The following UBAP2 variants were observed in gnomAD, a reference collection of about 807,000 sequenced individuals.
UBAP2 encodes the protein ubiquitin-associated protein 2.
In UBAP2, 75 loss-of-function variants were observed where a neutral mutation model predicts 139.6. The observed-to-expected ratio is 0.54, with a 90% CI of 0.45 to 0.65. UBAP2 has a LOEUF of 0.65. UBAP2 is among the 30% of genes least tolerant of loss of function. The pLI is 0.00. For synonymous variants in UBAP2, 526 were observed against 526.2 expected, an observed-to-expected ratio of 1.00 and a Z score of 0.01; for missense variants, 1,368 against 1,369.6, an observed-to-expected ratio of 1.00 and a Z score of 0.02.
chr9:33,970,268 A>T lies in UBAP2; in HGVS notation c.679+1383T>A, dbSNP rs1048047561. ...TTATTCACGTTCTCACCTTCCCTTG[A>T]TGATCTCATAAGAAGCTTAACGATT... On this transcript the variant is annotated intron_variant, in intron 8 of 28. Coordinates refer to ENST00000379238, the MANE Select transcript of UBAP2 (RefSeq NM_001370062.2). 2.0e-5 allele frequency among the ~76,000 whole-genome samples: 3 copies of T among 151,928 alleles called. No individual in the cohort carries two copies. The South Asian group carries it at 6.2e-4, about 32-fold the overall frequency.
chr9:34,035,412 G>C (rs964470004), intron 1 of UBAP2, among the ~76,000 whole-genome samples: 6 of 148,950 alleles, frequency 4.0e-5, no homozygotes, highest in Admixed American at 1.4e-4. Flanking sequence ...TGAGGTGGGA[G>C]AACAGCTTGA....
chr9:33,982,876 T>C (rs946291515), intron 6 of UBAP2, among the ~76,000 whole-genome samples: 1 of 150,634 alleles, frequency 6.6e-6, no homozygotes, highest in Admixed American at 6.7e-5. Context: ...TGGTGTTTTT[T>C]TTTGTTTTTT....
chr9:34,011,563 TAAAC>T, intron 2 of UBAP2: 1 of 903,786 alleles, frequency 1.1e-6, no homozygotes, highest in Non-Finnish European at 1.3e-6. Context: ...TTTTCTTTGA[TAAAC>T]AATTCAATAA....
At chr9:33,999,722 C>G (rs866848030) in intron 2 of UBAP2, among the ~76,000 whole-genome samples, 55 of 151,808 alleles carry the variant, frequency 3.6e-4, no homozygotes, top group Admixed American at 1.3e-4. Flanking sequence ...ACGATTTTTT[C>G]TTTTTTTGAG....
At chr9:33,935,167 G>GT (rs892090448) in intron 17 of UBAP2, among the ~76,000 whole-genome samples, 2 of 143,120 alleles carry the variant, frequency 1.4e-5, no homozygotes, top group Non-Finnish European at 3.1e-5. Context: ...AAGTGGCGGG[G>GT]GGGGGGGGTC....
intron 9 of UBAP2, among the ~76,000 whole-genome samples, chr9:33,962,679 A>G (rs1564032690): frequency 6.8e-6 from 1 of 147,440 alleles, no homozygotes; most frequent in Non-Finnish European, 1.5e-5. Context: ...TAAATAAATA[A>G]ATAATTAAAA....
Position 33,941,786 on chromosome 9 carries a change from A to G in UBAP2, c.1792T>C (p.Cys598Arg), listed in dbSNP as rs1365534458. 12 of 1,614,038 alleles carry G rather than the reference A, an allele frequency of 7.4e-6. No homozygotes were observed. In the Middle Eastern group the frequency reaches 4.9e-4, roughly 66 times the overall value. ...STYTTSVITS[C>R]SLTSSSLNSA... ...TTCAGTGATGAGCTTGTCAGACTGCAGGAGGTAATGACGGAAGTTGTATAT... is the reference window on the plus strand; with the variant it reads ...TTCAGTGATGAGCTTGTCAGACTGCGGGAGGTAATGACGGAAGTTGTATAT... Residue 598 changes from cysteine (C) to arginine (R), a missense_variant, in exon 16 of 29, where the codon TGC (cysteine) becomes CGC (arginine). Cys to Arg is a radical substitution (Grantham distance 180). Transcript: ENST00000379238.
intron 1 of UBAP2, among the ~76,000 whole-genome samples, chr9:34,035,595 G>C (rs535189173): frequency 4.8e-5 from 7 of 144,976 alleles, no homozygotes; most frequent in African/African-American, 1.8e-4. Flanking sequence ...TGAGGCACAA[G>C]AATCACTTGA....
intron 6 of UBAP2, among the ~76,000 whole-genome samples, chr9:33,982,345 A>G (rs1377097074): frequency 6.6e-6 from 1 of 152,226 alleles, no homozygotes; most frequent in Non-Finnish European, 1.5e-5. Flanking sequence ...CTCCAGCTTG[A>G]ATGCAAACTC....
At chr9:34,014,688 G>C (rs1824090415) in intron 2 of UBAP2, among the ~76,000 whole-genome samples, 1 of 151,462 alleles carries the variant, frequency 6.6e-6, no homozygotes. Context: ...CCAGCTACTT[G>C]GAAGGCTGAG....
At chr9:33,998,557 C>G (rs989860980) in intron 3 of UBAP2, 3 of 457,488 alleles carry the variant, frequency 6.6e-6, no homozygotes, top group Admixed American at 7.6e-5. Flanking sequence ...CATGTAAACA[C>G]TAGTAACTCA....
intron 9 of UBAP2, 77 bp from the exon 10 acceptor site, chr9:33,960,955 G>T: frequency 1.4e-6 from 2 of 1,424,350 alleles, no homozygotes; most frequent in Non-Finnish European, 2.0e-6. Flanking sequence ...TCCTTTTTGT[G>T]TACTATGCGG....
In UBAP2 at chr9:33,951,080, G is replaced by C. The variant is rs73477279; in HGVS notation, c.1056+2205C>G. Among the ~76,000 whole-genome samples, 1,262 of 152,262 alleles carry C rather than the reference G, an allele frequency of 8.3e-3. 17 individuals are homozygous for C. Among genetic ancestry groups the C allele is most frequent in the African/African-American group, 0.028 (1,176 of 41,556 alleles). ...GGTATTGCTGTCAACCCAGGCTGGA[G>C]GGCCACAGAACAACCTCCTGGGCTC... On this transcript the variant is annotated intron_variant, in intron 12 of 28. Transcript: ENST00000379238.
intron 22 of UBAP2, among the ~76,000 whole-genome samples, chr9:33,925,890 G>C (rs1257107412): frequency 6.6e-6 from 1 of 152,226 alleles, no homozygotes; most frequent in African/African-American, 2.4e-5. Context: ...GGAAATGGCA[G>C]AGCAAGAAGA....
Position 33,923,629 on chromosome 9 carries a change from A to T in UBAP2, c.2797-151T>A, listed in dbSNP as rs964581958. The T allele has an allele frequency of 1.0e-5, 11 of 1,055,366 alleles. No homozygotes were observed. The South Asian group carries it at 1.1e-4, about 11-fold the overall frequency. The allele number at this position is 1,055,366 out of a possible 1,614,324, so 65.4% of individuals were successfully genotyped here. ...AGTGCAACACATGCTGGATCTAAAC[A>T]CAGCAGGGGAAAAGTGACCTTGTCC... On this transcript the variant is annotated intron_variant, in intron 24 of 28. Transcript: ENST00000379238.
intron 16 of UBAP2, among the ~76,000 whole-genome samples, chr9:33,936,893 G>C (rs1824569146): frequency 1.8e-5 from 2 of 113,078 alleles, no homozygotes; most frequent in South Asian, 6.2e-4. Flanking sequence ...AGGAGTTCAT[G>C]ACCACCCTGG....
intron 2 of UBAP2, among the ~76,000 whole-genome samples, chr9:34,004,739 G>A (rs1823034269): frequency 6.6e-6 from 1 of 151,222 alleles, no homozygotes; most frequent in Non-Finnish European, 1.5e-5. Context: ...AGCCGAGATA[G>A]CGCCACTGCA....
chr9:33,950,261 C>T lies in UBAP2; in HGVS notation c.1057-1674G>A, dbSNP rs535860800. Among the ~76,000 whole-genome samples, 45 of 152,030 alleles carry T rather than the reference C, an allele frequency of 3.0e-4. 1 individual carries two copies. The highest frequency in any genetic ancestry group is 9.9e-4 in the African/African-American group (41 of 41,498). ...GTTGTTGTTGTATTTTTAGTAGAGACGGGGTTTCACCATGTTAGCCAGGAT... is the reference window on the plus strand; with the variant it reads ...GTTGTTGTTGTATTTTTAGTAGAGATGGGGTTTCACCATGTTAGCCAGGAT... On this transcript the variant is annotated intron_variant, in intron 12 of 28. Coordinates refer to ENST00000379238, the MANE Select transcript of UBAP2 (RefSeq NM_001370062.2).
intron 4 of UBAP2, among the ~76,000 whole-genome samples, chr9:33,990,482 A>G (rs1235840724): frequency 5.3e-5 from 8 of 152,172 alleles, no homozygotes; most frequent in Non-Finnish European, 5.9e-5. Context: ...TGAAAAAGAT[A>G]TAAATTATGT....
Sources: gnomAD v4.1 joint callset for allele counts (sites outside exome capture counted in the v4.1 genomes callset) on GRCh38, gnomAD v4.1.1 for gene constraint, MANE v1.5 for transcripts, NCBI Gene and HGNC (gene_info 2026-07-23, HGNC 2026-07-21) for gene names.